SIPA1L1: variants seen among roughly 807,000 people sequenced by gnomAD.
SIPA1L1 encodes the protein signal induced proliferation associated 1 like 1.
SIPA1L1 carries 26 observed loss-of-function variants against 162.7 expected under a neutral mutation model. That is an observed-to-expected ratio of 0.16 (90% CI 0.12 to 0.22). The LOEUF is 0.22. Among genes scored for constraint, SIPA1L1 ranks in the 10% least tolerant of loss-of-function variants. The probability of loss-of-function intolerance (pLI) is 1.00; values close to 1 mark genes in which losing one functional copy is unlikely to be tolerated. For synonymous variants in SIPA1L1, 829 were observed against 837.4 expected (o/e 0.99, Z 0.17); for missense variants, 1,874 against 2,241.0 (o/e 0.84, Z 3.31).
At position 71,709,223 on chromosome 14, in the gene SIPA1L1, C is replaced by G; in HGVS notation, c.3767C>G (p.Ser1256Cys). ...AAATAAATTCTGCTTCTCTTGCAGT[C>G]TGATAGCCACTACTCGAGCCACTCC... ...VHLSPNKQGH[S>C]DSHYSSHSSS... Residue 1256 changes from serine (S) to cysteine (C), a missense_variant and splice_region_variant, in exon 17 of 24, where the codon TCT becomes TGT. By Grantham distance (112) the Ser-to-Cys change is moderately radical (BLOSUM62 -1). This residue lies in a region of SIPA1L1 where 936 missense variants were observed against 1,051.9 expected (regional missense o/e 0.89). Coordinates refer to ENST00000381232, the MANE Select transcript of SIPA1L1 (RefSeq NM_001386936.1). The G allele has an allele frequency of 6.2e-7, 1 of 1,608,256 alleles. No homozygotes were observed. Among genetic ancestry groups the G allele is most frequent in the Non-Finnish European group, 8.5e-7 (1 of 1,176,234 alleles).
In SIPA1L1 at chr14:71,587,980, G is replaced by A; in HGVS notation, c.108G>A (p.Met36Ile). 1 of 1,614,096 alleles carries A rather than the reference G, an allele frequency of 6.2e-7. No homozygotes were observed. Among genetic ancestry groups the A allele is most frequent in the Non-Finnish European group, 8.5e-7 (1 of 1,179,986 alleles). ...TPKVHTDDFY[M>I]RRFRSQNGSL... Reference sequence around the variant, plus strand: ...AAGTCCACACTGATGATTTCTACATGCGGCGCTTCCGGTCCCAAAATGGCA... The same window carrying A: ...AAGTCCACACTGATGATTTCTACATACGGCGCTTCCGGTCCCAAAATGGCA... The change falls in exon 5 of 24, where the codon ATG (methionine) becomes ATA (isoleucine). Residue 36 changes from methionine to isoleucine, a missense_variant. Met to Ile is a conservative substitution (Grantham distance 10). Transcript: ENST00000381232.
intron 5 of SIPA1L1, among the ~76,000 whole-genome samples, chr14:71,591,284 C>G (rs2147707081): frequency 6.9e-6 from 1 of 144,066 alleles, no homozygotes; most frequent in East Asian, 2.0e-4. Flanking sequence ...TATTGTTAAC[C>G]TTATTTTCCA....
intron 2 of SIPA1L1, among the ~76,000 whole-genome samples, chr14:71,391,068 C>G (rs909687693): frequency 1.3e-5 from 2 of 151,366 alleles, no homozygotes; most frequent in African/African-American, 4.9e-5. Flanking sequence ...GAAAAAAAAG[C>G]CAACAAAAAT....
Position 71,724,823 on chromosome 14 carries a change from G to A in SIPA1L1, c.4602G>A (p.Gln1534=). ...IDLESPTPES[Q]KSFKFHALSS... The stretch of plus-strand genomic sequence containing the variant: ...TTGAAAGCCCAACTCCTGAATCACA[G>A]AAGAGTTTTAAGGTACAAGACAGAG... The change falls in exon 19 of 24, where the codon CAG becomes CAA. Residue 1534 remains glutamine, a synonymous_variant. Transcript: ENST00000381232. 1 of 1,614,102 alleles carries A rather than the reference G, an allele frequency of 6.2e-7. No homozygotes were observed. The highest frequency in any genetic ancestry group is 8.5e-7 in the Non-Finnish European group (1 of 1,179,976).
At chr14:71,334,480 G>T (rs928051497) in intron 2 of SIPA1L1, among the ~76,000 whole-genome samples, 1 of 152,106 alleles carries the variant, frequency 6.6e-6, no homozygotes, top group East Asian at 1.9e-4. Flanking sequence ...GGAGAACTTG[G>T]TATGTATGTA....
intron 7 of SIPA1L1, among the ~76,000 whole-genome samples, chr14:71,643,221 C>CAGGA (rs1247596342): frequency 6.6e-6 from 1 of 150,450 alleles, no homozygotes; most frequent in Non-Finnish European, 1.5e-5. Flanking sequence ...TACAGAGAAA[C>CAGGA]TCCTAACAGC....
chr14:71,359,442 A>C (rs1047499530), intron 2 of SIPA1L1, among the ~76,000 whole-genome samples: 2 of 152,162 alleles, frequency 1.3e-5, no homozygotes, highest in African/African-American at 4.8e-5. Flanking sequence ...TCCTCCATAT[A>C]ATTTGTCTAT....
intron 5 of SIPA1L1, among the ~76,000 whole-genome samples, chr14:71,602,228 C>T (rs970390785): frequency 2.6e-5 from 4 of 152,020 alleles, no homozygotes; most frequent in African/African-American, 9.7e-5. Context: ...ACTGTTTTTG[C>T]CATATCCCAT....
intron 2 of SIPA1L1, among the ~76,000 whole-genome samples, chr14:71,456,662 AG>A (rs2046211429): frequency 6.6e-6 from 1 of 152,272 alleles, no homozygotes; most frequent in Non-Finnish European, 1.5e-5. Flanking sequence ...CAGACAAAAC[AG>A]AATGTCTAAA....
intron 4 of SIPA1L1, among the ~76,000 whole-genome samples, chr14:71,570,242 T>C (rs1434417926): frequency 1.3e-5 from 2 of 152,088 alleles, no homozygotes; most frequent in Non-Finnish European, 2.9e-5. Flanking sequence ...TTCTTTTTTC[T>C]TTTTTAAAAT....
chr14:71,472,262 G>A (rs1329929215), intron 2 of SIPA1L1, among the ~76,000 whole-genome samples: 1 of 151,678 alleles, frequency 6.6e-6, no homozygotes, highest in Admixed American at 6.6e-5. Context: ...TGTTGTAATT[G>A]CGTAATTAAA....
intron 2 of SIPA1L1, among the ~76,000 whole-genome samples, chr14:71,507,643 C>T (rs2050783246): frequency 6.6e-6 from 1 of 152,218 alleles, no homozygotes. Flanking sequence ...TACTTCCTTT[C>T]TCTTACTGTT....
chr14:71,725,765 G>T (rs572237119), intron 19 of SIPA1L1, among the ~76,000 whole-genome samples: 1 of 152,336 alleles, frequency 6.6e-6, no homozygotes, highest in East Asian at 1.9e-4. Flanking sequence ...TCTCCTAGGA[G>T]AAGGGAGTGC....
At chr14:71,445,396 CTG>C (rs1259582683) in intron 2 of SIPA1L1, among the ~76,000 whole-genome samples, 1 of 151,744 alleles carries the variant, frequency 6.6e-6, no homozygotes, top group Non-Finnish European at 1.5e-5. Flanking sequence ...ACACTGATCA[CTG>C]TTTCTTTCTC....
At chr14:71,470,963 G>A (rs568114693) in intron 2 of SIPA1L1, among the ~76,000 whole-genome samples, 4 of 151,910 alleles carry the variant, frequency 2.6e-5, no homozygotes, top group South Asian at 4.2e-4. Context: ...TCAGCCTCCC[G>A]AGTAGCTGGG....
At chr14:71,520,097 G>A (rs1468451712) in intron 3 of SIPA1L1, among the ~76,000 whole-genome samples, 1 of 152,078 alleles carries the variant, frequency 6.6e-6, no homozygotes, top group South Asian at 2.1e-4. Flanking sequence ...GCAAGACCCT[G>A]TCTCAAAAAA....
intron 2 of SIPA1L1, among the ~76,000 whole-genome samples, chr14:71,365,407 G>A (rs1023393680): frequency 4.6e-5 from 7 of 151,934 alleles, no homozygotes; most frequent in Non-Finnish European, 8.8e-5. Context: ...TCCTCTGCAC[G>A]GCCTTTTCAA....
intron 10 of SIPA1L1, among the ~76,000 whole-genome samples, chr14:71,669,325 AGTTT>A (rs2044307746): frequency 1.3e-5 from 2 of 152,230 alleles, no homozygotes; most frequent in South Asian, 4.1e-4. Flanking sequence ...AAAGCCAGTT[AGTTT>A]AAGGGGCAAG....
intron 19 of SIPA1L1, among the ~76,000 whole-genome samples, chr14:71,726,535 C>G (rs1394342574): frequency 2.6e-5 from 4 of 152,174 alleles, no homozygotes; most frequent in African/African-American, 9.7e-5. Context: ...TAATTGAAGG[C>G]AAATGTCTGA....
Sources: gnomAD v4.1 joint callset for allele counts (sites outside exome capture counted in the v4.1 genomes callset) on GRCh38, gnomAD v4.1.1 for gene constraint, gnomAD v4.1.1 regional missense constraint, MANE v1.5 for transcripts, NCBI Gene and HGNC (gene_info 2026-07-23, HGNC 2026-07-21) for gene names.